The following ZSCAN5A variants were observed in gnomAD, a reference collection of about 807,000 sequenced individuals.
ZSCAN5A encodes the protein zinc finger and SCAN domain containing 5A, also known as zinc finger and SCAN domain-containing protein 5A.
A neutral mutation model predicts 23.7 loss-of-function variants in ZSCAN5A; 12 were observed. That is an observed-to-expected ratio of 0.51 (90% CI 0.32 to 0.82). The LOEUF (loss-of-function observed/expected upper bound fraction) is 0.82. Among genes scored for constraint, ZSCAN5A ranks in the 40% least tolerant of loss-of-function variants. The pLI is 0.03. For synonymous variants in ZSCAN5A, 257 were observed against 239.9 expected (o/e 1.07, Z -0.66); for missense variants, 597 against 617.9 (o/e 0.97, Z 0.36).
chr19:56,251,757 C>T (rs1306875282), intron 2 of ZSCAN5A, among the ~76,000 whole-genome samples: 1 of 152,188 alleles, frequency 6.6e-6, no homozygotes, highest in Non-Finnish European at 1.5e-5. Context: ...GAGACAGTGT[C>T]TCACTATGTT....
At chr19:56,312,518 C>T (rs2041103908) in intron 2 of ZSCAN5A, 1 of 152,190 alleles carries the variant, frequency 6.6e-6, no homozygotes, top group Non-Finnish European at 1.5e-5. Context: ...GAAGACATGG[C>T]AACTAAATGT....
intron 2 of ZSCAN5A, among the ~76,000 whole-genome samples, chr19:56,251,189 T>C (rs2036313502): frequency 6.6e-6 from 1 of 151,410 alleles, no homozygotes. Flanking sequence ...CCCTTGTGAC[T>C]GTCAGTCTCT....
intron 2 of ZSCAN5A, among the ~76,000 whole-genome samples, chr19:56,331,927 T>C (rs1435403171): frequency 6.6e-6 from 1 of 152,126 alleles, no homozygotes; most frequent in Non-Finnish European, 1.5e-5. Flanking sequence ...CTTAATTTCA[T>C]TGTTTACCTA....
intron 2 of ZSCAN5A, among the ~76,000 whole-genome samples, chr19:56,359,593 C>T (rs757693780): frequency 6.6e-6 from 1 of 152,214 alleles, no homozygotes; most frequent in Non-Finnish European, 1.5e-5. Flanking sequence ...CAGCATCATT[C>T]TGATACCAAA....
At chr19:56,308,097 A>G (rs1300481498) in intron 2 of ZSCAN5A, among the ~76,000 whole-genome samples, 2 of 152,194 alleles carry the variant, frequency 1.3e-5, no homozygotes, top group Non-Finnish European at 2.9e-5. Context: ...GCAGTGGCGC[A>G]ATCTTGGCTC....
At chr19:56,278,246 G>A (rs59503198) in intron 2 of ZSCAN5A, among the ~76,000 whole-genome samples, 1 of 151,840 alleles carries the variant, frequency 6.6e-6, no homozygotes, top group African/African-American at 2.4e-5. Flanking sequence ...CTCAGCATCC[G>A]AAGTAGCCTC....
intron 1 of ZSCAN5A, 63 bp downstream of exon 1, chr19:56,314,618 A>G (rs934522180): frequency 2.3e-5 from 3 of 130,082 alleles, no homozygotes; most frequent in East Asian, 2.4e-4. Context: ...TCCCCAACCC[A>G]CCCCAGTCCG....
At chr19:56,357,425 A>G (rs1287944967) in intron 2 of ZSCAN5A, among the ~76,000 whole-genome samples, 2 of 148,132 alleles carry the variant, frequency 1.4e-5, no homozygotes, top group Non-Finnish European at 3.0e-5. Context: ...ATGTATACCA[A>G]TAAACCAGGG....
chr19:56,226,804 T>C (rs1044884175), intron 2 of ZSCAN5A, among the ~76,000 whole-genome samples: 6 of 152,256 alleles, frequency 3.9e-5, no homozygotes, highest in African/African-American at 1.4e-4. Flanking sequence ...AAACTACCTA[T>C]TGGGTACTAT....
intron 2 of ZSCAN5A, among the ~76,000 whole-genome samples, chr19:56,302,580 C>CTT (rs2040376908): frequency 1.3e-5 from 1 of 77,684 alleles, no homozygotes; most frequent in Admixed American, 1.3e-4. Context: ...TTTCTTCCTC[C>CTT]CCCTTTTCTT....
At chr19:56,366,832 C>G (rs964857796) in intron 1 of ZSCAN5A, among the ~76,000 whole-genome samples, 2 of 152,154 alleles carry the variant, frequency 1.3e-5, no homozygotes, top group African/African-American at 4.8e-5. Context: ...TAGAACACTT[C>G]CCCTCTCACA....
chr19:56,259,632 T>A (rs533799508), intron 2 of ZSCAN5A, among the ~76,000 whole-genome samples: 1 of 151,660 alleles, frequency 6.6e-6, no homozygotes, highest in South Asian at 2.1e-4. Flanking sequence ...TTTAAGGGAG[T>A]TTCATACTCA....
upstream of ZSCAN5A, among the ~76,000 whole-genome samples, chr19:56,319,498 GAAAAAAAAA>G (rs57164685): frequency 1.3e-5 from 1 of 78,406 alleles, no homozygotes; most frequent in Admixed American, 1.9e-4. Flanking sequence ...TCCATCTCGG[GAAAAAAAAA>G]AAAAAAAAAA....
At chr19:56,247,309 T>C (rs769483957) in intron 2 of ZSCAN5A, 4 of 282,582 alleles carry the variant, frequency 1.4e-5, no homozygotes, top group African/African-American at 8.9e-5. Context: ...GGAGAAGCCC[T>C]ATAAATGTAA....
At chr19:56,310,795 C>G (rs2040991221) in intron 2 of ZSCAN5A, among the ~76,000 whole-genome samples, 1 of 152,212 alleles carries the variant, frequency 6.6e-6, no homozygotes, top group Non-Finnish European at 1.5e-5. Flanking sequence ...GGTTCCTTGT[C>G]CTGGTTGAAA....
Position 56,333,320 on chromosome 19 carries a change from A to G in ZSCAN5A, c.-357-17052T>C, listed in dbSNP as rs373505943. ...TAATTCATAAGTTTGGTCACTTTAT[A>G]TAATCCCATCTTTCTCAAAGACTTT... On this transcript the variant is annotated intron_variant, in intron 2 of 6. Coordinates refer to the ZSCAN5A transcript ENST00000587340. Among the ~76,000 whole-genome samples the G allele has an allele frequency of 4.8e-4, 73 of 152,056 alleles. 1 individual carries two copies. The highest frequency in any genetic ancestry group is 1.6e-3 in the African/African-American group (66 of 41,488).
chr19:56,321,388 G>A (rs1042034153), intron 2 of ZSCAN5A: 1 of 645,360 alleles, frequency 1.5e-6, no homozygotes, highest in African/African-American at 1.8e-5. Context: ...CTGGCAGATA[G>A]CTGCAGCATC....
intron 2 of ZSCAN5A, among the ~76,000 whole-genome samples, chr19:56,305,593 T>A (rs990015047): frequency 2.0e-5 from 3 of 151,944 alleles, no homozygotes; most frequent in African/African-American, 7.3e-5. Flanking sequence ...AAACTAGGAG[T>A]GGAATTGCTA....
rs753667989 is a variant in ZSCAN5A, at chr19:56,221,646, G to A, written c.1420C>T (p.Pro474Ser). ...AATTTCAGCCGACTGAAGGCTCTTG[G>A]ACACTTGGAACATTTGTAGGGTTTC... ...GEKPYKCSKC[P>S]RAFSRLKLLR... Residue 474 changes from proline (P) to serine (S), a missense_variant, in exon 6 of 6, where the codon CCA becomes TCA. Pro to Ser is a moderately conservative substitution (Grantham distance 74). Transcript: ENST00000683990. 6.2e-7 allele frequency: 1 copy of A among 1,614,166 alleles called. No homozygotes were observed. Among genetic ancestry groups the A allele is most frequent in the African/African-American group, 1.3e-5 (1 of 75,068 alleles).
Sources: gnomAD v4.1 joint callset for allele counts (sites outside exome capture counted in the v4.1 genomes callset) on GRCh38, gnomAD v4.1.1 for gene constraint, MANE v1.5 for transcripts, NCBI Gene and HGNC (gene_info 2026-07-23, HGNC 2026-07-21) for gene names.